The following DRC9 variants were observed in gnomAD, a reference collection of about 807,000 sequenced individuals.
The protein encoded by DRC9 is dynein regulatory complex protein 9.
the DRC9 span, among the ~76,000 whole-genome samples, chr3:197,951,855 G>A: frequency 6.6e-6 from 1 of 151,894 alleles, no homozygotes; most frequent in Non-Finnish European, 1.5e-5. Flanking sequence ...GTGCCACCAC[G>A]CCCGGCTAAT....
At chr3:197,918,258 C>A in the DRC9 span, among the ~76,000 whole-genome samples, 1 of 60,296 alleles carries the variant, frequency 1.7e-5, no homozygotes, top group African/African-American at 6.4e-5. Flanking sequence ...TAATTTTTTG[C>A]TTTTTTTTTT....
At chr3:197,943,910 C>T in the DRC9 span, 22 of 1,613,968 alleles carry the variant, frequency 1.4e-5, no homozygotes, top group East Asian at 2.2e-5. Flanking sequence ...CTAGAGTTTC[C>T]GGGATTTCTG....
chr3:197,954,608 C>G, the DRC9 span, among the ~76,000 whole-genome samples: 1 of 152,148 alleles, frequency 6.6e-6, no homozygotes, highest in Non-Finnish European at 1.5e-5. Flanking sequence ...CTCCAAAGTT[C>G]ATGTGATTCT....
At chr3:197,896,937 CAT>C in the DRC9 span, among the ~76,000 whole-genome samples, 1 of 152,126 alleles carries the variant, frequency 6.6e-6, no homozygotes, top group Non-Finnish European at 1.5e-5. Context: ...ATGCCCTTGA[CAT>C]GTGGGGATTA....
chr3:197,951,446 G>A, the DRC9 span: 2 of 949,100 alleles, frequency 2.1e-6, no homozygotes, highest in Admixed American at 1.9e-5. Context: ...TCCGCCTCCC[G>A]GGTTCAAGCA....
chr3:197,940,328 A>AT, the DRC9 span, among the ~76,000 whole-genome samples: 12 of 149,332 alleles, frequency 8.0e-5, no homozygotes, highest in Non-Finnish European at 1.5e-4. Flanking sequence ...TATATATAAT[A>AT]ATATATTTTA....
the DRC9 span, chr3:197,951,574 A>C: frequency 2.2e-6 from 1 of 444,596 alleles, no homozygotes; most frequent in Non-Finnish European, 4.1e-6. Context: ...GCTGGTCCCA[A>C]ACTCCTGACC....
At chr3:197,955,859 G>C in the DRC9 span, 33 of 1,117,084 alleles carry the variant, frequency 3.0e-5, no homozygotes, top group Non-Finnish European at 4.5e-5. Flanking sequence ...AAATTGATTT[G>C]CTACATGCTT....
chr3:197,892,656 A>G, the DRC9 span: 98 of 1,611,704 alleles, frequency 6.1e-5, no homozygotes, highest in East Asian at 2.1e-3. Flanking sequence ...AAGGTGTGCT[A>G]AGTCACTGGC....
chr3:197,907,261 G>A, the DRC9 span, among the ~76,000 whole-genome samples: 1 of 152,174 alleles, frequency 6.6e-6, no homozygotes, highest in African/African-American at 2.4e-5. Flanking sequence ...GGTTAGGAAT[G>A]GGTGCTTGGT....
chr3:197,897,431 T>G, the DRC9 span, among the ~76,000 whole-genome samples: 1 of 152,186 alleles, frequency 6.6e-6, no homozygotes, highest in Non-Finnish European at 1.5e-5. Flanking sequence ...TATTTATATT[T>G]GCCTCAGGCC....
chr3:197,900,597 G>T, the DRC9 span, among the ~76,000 whole-genome samples: 1 of 151,236 alleles, frequency 6.6e-6, no homozygotes, highest in Non-Finnish European at 1.5e-5. The surrounding 1 kb of genome is among the most constrained non-coding windows in gnomAD (Gnocchi z 4.7). Flanking sequence ...AGCCACAGCA[G>T]AACAGGGCAC....
the DRC9 span, among the ~76,000 whole-genome samples, chr3:197,907,184 C>T: frequency 6.6e-5 from 10 of 152,196 alleles, no homozygotes; most frequent in Non-Finnish European, 1.0e-4. Flanking sequence ...TTTAGAGAGG[C>T]AGATGCTCCC....
the DRC9 span, among the ~76,000 whole-genome samples, chr3:197,932,945 ATATAT>A: frequency 8.3e-6 from 1 of 120,234 alleles, no homozygotes. Flanking sequence ...TATGTATAAT[ATATAT>A]TATATATTAT....
At chr3:197,950,872 A>G in the DRC9 span, 1 of 1,507,880 alleles carries the variant, frequency 6.6e-7, no homozygotes, top group Non-Finnish European at 9.2e-7. Context: ...GGCTTAAACG[A>G]GAGGGGACGA....
the DRC9 span, chr3:197,889,800 T>C: frequency 6.7e-7 from 1 of 1,484,518 alleles, no homozygotes; most frequent in Non-Finnish European, 9.3e-7. Context: ...TTGAATAAAG[T>C]AACTTCTGTC....
the DRC9 span, chr3:197,955,908 G>C: frequency 2.1e-3 from 1,619 of 759,902 alleles, 14 homozygotes; most frequent in African/African-American, 0.022. Context: ...GGAGTACAAG[G>C]GGGTCAGAGA....
the DRC9 span, chr3:197,955,924 G>C: frequency 2.9e-6 from 2 of 696,696 alleles, no homozygotes; most frequent in Non-Finnish European, 2.6e-6. Flanking sequence ...AGAGAGACAT[G>C]TGATGAAAAT....
At chr3:197,913,565 G>T in the DRC9 span, 5 of 496,856 alleles carry the variant, frequency 1.0e-5, no homozygotes, top group African/African-American at 1.9e-5. Context: ...TAAGCACCTC[G>T]TTTTGCCCTC....
Sources: allele counts gnomAD v4.1 joint callset (sites outside exome capture counted in the v4.1 genomes callset), GRCh38; gene constraint gnomAD v4.1.1; non-coding constraint Gnocchi (gnomAD v3.1); transcripts MANE v1.5; gene names NCBI Gene and HGNC (gene_info 2026-07-23, HGNC 2026-07-21).